Variants in CAPN13 observed in about 807,000 individuals in gnomAD.
CAPN13 encodes the protein calpain-13.
A neutral mutation model predicts 98.4 loss-of-function variants in CAPN13; 90 were observed. That is an observed-to-expected ratio of 0.92 (90% confidence interval 0.77 to 1.09). The LOEUF is 1.09. Ranked by LOEUF, CAPN13 falls within the 50% of genes least tolerant of loss-of-function variation. The pLI, the probability that CAPN13 is intolerant of heterozygous loss-of-function variation, is 0.00. For missense variants in CAPN13, 887 were observed against 841.3 expected (o/e 1.05, Z -0.67); for synonymous variants, 330 against 305.5 (o/e 1.08, Z -0.84).
chr2:30,761,401 C>T (rs1391394936), intron 7 of CAPN13, among the ~76,000 whole-genome samples: 2 of 152,056 alleles, frequency 1.3e-5, no homozygotes, highest in Non-Finnish European at 2.9e-5. Flanking sequence ...GCAGCTGAGC[C>T]CACACTTGGA....
chr2:30,740,343 T>G (rs755711333), intron 15 of CAPN13, among the ~76,000 whole-genome samples: 2 of 152,186 alleles, frequency 1.3e-5, no homozygotes, highest in Non-Finnish European at 2.9e-5. Context: ...TCCACCTGCC[T>G]TGGCCTGCCA....
chr2:30,799,890 G>C (rs575753542), intron 1 of CAPN13, among the ~76,000 whole-genome samples: 76 of 152,080 alleles, frequency 5.0e-4, no homozygotes, highest in Middle Eastern at 3.4e-3. Flanking sequence ...TAGCTAACAC[G>C]GTGAAACCCC....
chr2:30,767,982 G>A (rs1440837227), intron 5 of CAPN13, among the ~76,000 whole-genome samples: 2 of 152,210 alleles, frequency 1.3e-5, no homozygotes, highest in East Asian at 1.9e-4. Context: ...CATCTCTGAA[G>A]AAGAGATGAT....
chr2:30,776,350 G>T (rs1455497901), intron 3 of CAPN13, among the ~76,000 whole-genome samples: 1 of 152,102 alleles, frequency 6.6e-6, no homozygotes, highest in East Asian at 1.9e-4. Context: ...TCCTGCCACA[G>T]CCTCCACAGC....
chr2:30,753,781 T>G (rs1354154172), intron 9 of CAPN13, among the ~76,000 whole-genome samples: 1 of 152,214 alleles, frequency 6.6e-6, no homozygotes, highest in Non-Finnish European at 1.5e-5. Context: ...CTCTGAGGAA[T>G]GTACACGTCA....
intron 2 of CAPN13, among the ~76,000 whole-genome samples, chr2:30,783,290 C>T (rs1325776202): frequency 6.6e-6 from 1 of 152,108 alleles, no homozygotes; most frequent in Non-Finnish European, 1.5e-5. Context: ...CTTGCTGAGA[C>T]CAGGGTTGTA....
At chr2:30,759,752 G>A (rs1213312124) in intron 7 of CAPN13, among the ~76,000 whole-genome samples, 1 of 152,176 alleles carries the variant, frequency 6.6e-6, no homozygotes, top group African/African-American at 2.4e-5. Context: ...TCTAAAGTCC[G>A]GGCTCCTAGT....
chr2:30,780,133 G>T (rs1041021416), intron 2 of CAPN13, among the ~76,000 whole-genome samples: 2 of 152,184 alleles, frequency 1.3e-5, no homozygotes, highest in African/African-American at 4.8e-5. Flanking sequence ...GTATTTTAAA[G>T]TTACCAAAGA....
intron 18 of CAPN13, 58 bp from the exon 19 acceptor site, chr2:30,734,582 C>A: frequency 7.4e-7 from 1 of 1,358,974 alleles, no homozygotes; most frequent in Non-Finnish European, 1.0e-6. Context: ...CTGGATACTC[C>A]TTTTCCATCC....
rs12474436 is a variant in CAPN13, at chr2:30,767,558, C to T, written c.524+2755G>A. 6.0e-3 allele frequency among the ~76,000 whole-genome samples: 914 copies of T among 152,248 alleles called. 25 individuals are homozygous for T. The highest frequency in any genetic ancestry group is 0.054 in the Admixed American group (828 of 15,286). On this transcript the variant is annotated intron_variant, in intron 5 of 22. Transcript: ENST00000295055. ...GGCCCTGAAGAGATGAGGGCTGAAT[C>T]CGTATTGAAAAGATAATGGCAGTGT...
chr2:30,776,324 C>T (rs1253925664), intron 3 of CAPN13, among the ~76,000 whole-genome samples: 4 of 152,070 alleles, frequency 2.6e-5, no homozygotes, highest in Non-Finnish European at 2.9e-5. Flanking sequence ...CTCCGCCTCC[C>T]GGGTTCAAGA....
chr2:30,802,827 C>T (rs1193731047), intron 1 of CAPN13, among the ~76,000 whole-genome samples: 3 of 152,182 alleles, frequency 2.0e-5, no homozygotes, highest in African/African-American at 7.2e-5. Context: ...GAGACCTCCA[C>T]CCCTCTTGCT....
At chr2:30,782,177 T>C (rs749891168) in intron 2 of CAPN13, among the ~76,000 whole-genome samples, 1 of 152,184 alleles carries the variant, frequency 6.6e-6, no homozygotes, top group South Asian at 2.1e-4. Context: ...CGGAGAAATA[T>C]GCCAAGAAAT....
chr2:30,780,207 A>C (rs1035325547), intron 2 of CAPN13, among the ~76,000 whole-genome samples: 1 of 152,224 alleles, frequency 6.6e-6, no homozygotes, highest in Non-Finnish European at 1.5e-5. Flanking sequence ...AGTTCCCTCA[A>C]ACTTTCAGAG....
At chr2:30,786,697 C>G (rs1325573667) in intron 2 of CAPN13, among the ~76,000 whole-genome samples, 1 of 152,076 alleles carries the variant, frequency 6.6e-6, no homozygotes, top group Non-Finnish European at 1.5e-5. Flanking sequence ...AAATGACTGA[C>G]CTGCTATCTT....
chr2:30,738,490 T>C (rs1558613598), intron 15 of CAPN13, 33 bp from the exon 16 acceptor site: 1 of 1,580,542 alleles, frequency 6.3e-7, no homozygotes, highest in Non-Finnish European at 8.6e-7. Context: ...GCAGGAATTA[T>C]ATCAGTGCCA....
At position 30,743,386 on chromosome 2, in the gene CAPN13, T is replaced by C; in HGVS notation, c.1442A>G (p.Asp481Gly). The C allele has an allele frequency of 3.1e-6, 5 of 1,612,822 alleles. No individual in the cohort carries two copies. Among genetic ancestry groups the C allele is most frequent in the Non-Finnish European group, 4.2e-6 (5 of 1,178,764 alleles). Reference sequence around the variant, plus strand: ...ACAATCCCAGAGGGTTCTGTACCTGTCACTGTCTGGCATTTTCAGGAAGAT... The same window carrying C: ...ACAATCCCAGAGGGTTCTGTACCTGCCACTGTCTGGCATTTTCAGGAAGAT... Reference protein sequence around the residue: ...LRIFLKMPDSDRHLSSHFNLR... With the variant: ...LRIFLKMPDSGRHLSSHFNLR... Residue 481 changes from aspartate to glycine, a missense_variant, in exon 13 of 23, where the codon GAC becomes GGC. Coordinates refer to ENST00000295055, the MANE Select transcript of CAPN13 (RefSeq NM_144575.3).
chr2:30,735,815 T>A (rs1430694971), intron 18 of CAPN13, among the ~76,000 whole-genome samples: 1 of 152,218 alleles, frequency 6.6e-6, no homozygotes, highest in Non-Finnish European at 1.5e-5. Context: ...TAAAAACAGA[T>A]TATACTTCTA....
intron 7 of CAPN13, among the ~76,000 whole-genome samples, chr2:30,761,719 A>G (rs1672859915): frequency 6.6e-6 from 1 of 152,204 alleles, no homozygotes; most frequent in Non-Finnish European, 1.5e-5. Context: ...GCTGAGGTCA[A>G]TTTTGGACAA....
Sources: gnomAD v4.1 joint callset for allele counts (sites outside exome capture counted in the v4.1 genomes callset) on GRCh38, gnomAD v4.1.1 for gene constraint, MANE v1.5 for transcripts, NCBI Gene and HGNC (gene_info 2026-07-23, HGNC 2026-07-21) for gene names.